Variants in GABBR2 observed in about 807,000 individuals in gnomAD.
The protein encoded by GABBR2 is G-protein coupled receptor 51.
GABBR2 carries 23 observed loss-of-function variants against 105.6 expected under a neutral mutation model. The observed-to-expected ratio is 0.22, with a 90% CI of 0.16 to 0.31. GABBR2 has a LOEUF of 0.31. Ranked by LOEUF, GABBR2 falls within the 10% of genes least tolerant of loss-of-function variation. The pLI is 1.00. For synonymous variants in GABBR2, 478 were observed against 499.7 expected, an observed-to-expected ratio of 0.96 and a Z score of 0.58; for missense variants, 734 against 1,245.5, an observed-to-expected ratio of 0.59 and a Z score of 6.18.
rs1200511561 is a variant in GABBR2 at position 98,603,002 on chromosome 9, C to T, written c.322-24930G>A. ...ATTCCTTATCTAGCTGTAGGGAGGG[C>T]CGGCAGACACAGGAAAACACAGGCT... is the stretch of plus-strand genomic sequence containing the variant. On this transcript the variant is annotated intron_variant, in intron 1 of 18. Coordinates refer to ENST00000259455, the MANE Select transcript of GABBR2 (RefSeq NM_005458.8). Among the ~76,000 whole-genome samples the T allele has an allele frequency of 4.6e-5, 7 of 151,996 alleles. 1 individual carries two copies. In the South Asian group the frequency reaches 1.5e-3, roughly 32 times the overall value.
At position 98,646,991 on chromosome 9, in the gene GABBR2, C is replaced by T. The variant is rs370834556; in HGVS notation, c.321+61426G>A. ...TTTGACTTCCTATCCAGGGGTCCCC[C>T]ATGATCTGTCTCAGAGGGCAGTACC... On this transcript the variant is annotated intron_variant, in intron 1 of 18. Coordinates refer to ENST00000259455, the MANE Select transcript of GABBR2 (RefSeq NM_005458.8). Among the ~76,000 whole-genome samples, 41 of 152,288 alleles carry T rather than the reference C, an allele frequency of 2.7e-4. 2 individuals are homozygous for T. In the South Asian group the frequency reaches 8.3e-3, roughly 31 times the overall value.
intron 1 of GABBR2, among the ~76,000 whole-genome samples, chr9:98,648,687 T>C (rs1280264224): frequency 6.6e-6 from 1 of 152,182 alleles, no homozygotes; most frequent in African/African-American, 2.4e-5. Context: ...TCATAATCAA[T>C]TGAATAGCTT....
At chr9:98,628,730 C>T (rs1829778599) in intron 1 of GABBR2, among the ~76,000 whole-genome samples, 1 of 152,176 alleles carries the variant, frequency 6.6e-6, no homozygotes, top group African/African-American at 2.4e-5. Flanking sequence ...CCTGCCAACT[C>T]ATTCTCGAGA....
chr9:98,541,975 G>C lies in GABBR2; in HGVS notation c.528C>G (p.Val176=), dbSNP rs148553508. 1.7e-5 allele frequency: 28 copies of C among 1,614,000 alleles called. No homozygotes were observed. Among genetic ancestry groups the C allele is most frequent in the African/African-American group, 2.7e-5 (2 of 74,938 alleles). ...KKKYPYFFRT[V]PSDNAVNPAI... Reference sequence around the variant, plus strand: ...CTGGATTCACCGCATTGTCTGATGGGACGGTCCGAAAGAAATAAGGGTATT... The same window carrying C: ...CTGGATTCACCGCATTGTCTGATGGCACGGTCCGAAAGAAATAAGGGTATT... Residue 176 remains valine, a synonymous_variant, in exon 3 of 19, where the codon GTC becomes GTG. Coordinates refer to ENST00000259455, the MANE Select transcript of GABBR2 (RefSeq NM_005458.8).
chr9:98,587,082 C>G (rs1224179295), intron 1 of GABBR2, among the ~76,000 whole-genome samples: 1 of 152,226 alleles, frequency 6.6e-6, no homozygotes, highest in Admixed American at 6.5e-5. Flanking sequence ...TCCTTGCCAG[C>G]TTTAATTTTT....
At chr9:98,433,922 C>T (rs1446070193) in intron 7 of GABBR2, among the ~76,000 whole-genome samples, 1 of 152,016 alleles carries the variant, frequency 6.6e-6, no homozygotes, top group Non-Finnish European at 1.5e-5. Context: ...TATTGAATGT[C>T]AACTTGATTG....
chr9:98,562,638 T>C (rs1828691842), intron 2 of GABBR2, among the ~76,000 whole-genome samples: 1 of 152,082 alleles, frequency 6.6e-6, no homozygotes. Context: ...AAAACAAATA[T>C]GGCAAAATGT....
chr9:98,417,222 A>G (rs1441514294), intron 7 of GABBR2, among the ~76,000 whole-genome samples: 2 of 152,194 alleles, frequency 1.3e-5, no homozygotes, highest in African/African-American at 4.8e-5. Flanking sequence ...AAGGAGCAGG[A>G]TCTCTCAGGA....
chr9:98,363,073 T>C (rs536810306), intron 12 of GABBR2, among the ~76,000 whole-genome samples: 5 of 152,302 alleles, frequency 3.3e-5, no homozygotes, highest in African/African-American at 4.8e-5. Context: ...TTGTTGAAGT[T>C]TGGCCACTCC....
intron 3 of GABBR2, among the ~76,000 whole-genome samples, chr9:98,509,236 C>T (rs1449328157): frequency 6.6e-6 from 1 of 152,144 alleles, no homozygotes; most frequent in African/African-American, 2.4e-5. Flanking sequence ...AACTAACAAA[C>T]AGAAAGGAAA....
chr9:98,378,341 G>A (rs939347184), intron 11 of GABBR2, among the ~76,000 whole-genome samples: 6 of 152,052 alleles, frequency 3.9e-5, no homozygotes, highest in East Asian at 1.9e-4. Context: ...GGGGTGCTTC[G>A]GGACTCGAAC....
chr9:98,588,131 A>G (rs1161623950), intron 1 of GABBR2, among the ~76,000 whole-genome samples: 2 of 152,202 alleles, frequency 1.3e-5, no homozygotes, highest in Non-Finnish European at 2.9e-5. Context: ...GTGCTTTCTC[A>G]ATCACTGAAG....
At chr9:98,661,199 C>T (rs1041817868) in intron 1 of GABBR2, among the ~76,000 whole-genome samples, 1 of 152,192 alleles carries the variant, frequency 6.6e-6, no homozygotes, top group Non-Finnish European at 1.5e-5. Flanking sequence ...TGAGCCACTG[C>T]ACCCAGCCGC....
chr9:98,467,645 C>T lies in GABBR2; in HGVS notation c.999+5501G>A, dbSNP rs549492991. Among the ~76,000 whole-genome samples the T allele has an allele frequency of 1.2e-4, 19 of 152,292 alleles. No individual in the cohort carries two copies. In the East Asian group the frequency reaches 3.7e-3, roughly 29 times the overall value. On this transcript the variant is annotated intron_variant, in intron 6 of 18. Coordinates refer to ENST00000259455, the MANE Select transcript of GABBR2 (RefSeq NM_005458.8). ...TGCAGATTTTCATGGGCCATTGGCT[C>T]TAAGTGGAAGGATCACTAGATTTGC...
At chr9:98,487,642 G>T (rs1234825537) in intron 4 of GABBR2, among the ~76,000 whole-genome samples, 1 of 151,840 alleles carries the variant, frequency 6.6e-6, no homozygotes, top group Non-Finnish European at 1.5e-5. Context: ...GCTGAGTATG[G>T]TGGTGCATGC....
rs34589145 is a variant in GABBR2 at position 98,688,394 on chromosome 9, C to CATATATATATATATATATATAT, written c.321+20022_321+20023insATATATATATATATATATATAT. 3.7e-3 allele frequency among the ~76,000 whole-genome samples: 525 copies of CATATATATATATATATATATAT among 140,372 alleles called. 9 individuals carry two copies. Among genetic ancestry groups the CATATATATATATATATATATAT allele is most frequent in the African/African-American group, 7.1e-3 (267 of 37,706 alleles). 92.1% of individuals were successfully genotyped at this position (140,372 alleles called of 152,430 possible). A position where few individuals can be genotyped will look rare whatever the true frequency, so the allele number is the denominator to read the frequency against. ...TAATTTAAGAAATAATATGTGGTTTCATATATATATATATATAAAATCTCC... is the reference window on the plus strand; with the variant it reads ...TAATTTAAGAAATAATATGTGGTTTCATATATATATATATATATATATATATATATATATATATAAAATCTCC... On this transcript the variant is annotated intron_variant, in intron 1 of 18. Coordinates refer to ENST00000259455, the MANE Select transcript of GABBR2 (RefSeq NM_005458.8).
intron 11 of GABBR2, among the ~76,000 whole-genome samples, chr9:98,376,259 CCTTCT>C (rs1379740207): frequency 6.6e-6 from 1 of 152,182 alleles, no homozygotes; most frequent in Non-Finnish European, 1.5e-5. Context: ...CTTTCACTGC[CCTTCT>C]GGGGATCAAC....
intron 1 of GABBR2, among the ~76,000 whole-genome samples, chr9:98,638,208 C>A (rs1202167133): frequency 2.0e-5 from 3 of 152,138 alleles, no homozygotes; most frequent in African/African-American, 4.8e-5. Flanking sequence ...AGACCCAGAA[C>A]AAAATACATA....
chr9:98,661,370 A>G (rs1193020375), intron 1 of GABBR2, among the ~76,000 whole-genome samples: 1 of 151,638 alleles, frequency 6.6e-6, no homozygotes, highest in East Asian at 1.9e-4. Flanking sequence ...TCTCTTTCTT[A>G]TTTTTCCTTT....
Sources: gnomAD v4.1 joint callset for allele counts (sites outside exome capture counted in the v4.1 genomes callset) on GRCh38, gnomAD v4.1.1 for gene constraint, MANE v1.5 for transcripts, NCBI Gene and HGNC (gene_info 2026-07-23, HGNC 2026-07-21) for gene names.